MKI67: variants seen among roughly 807,000 people sequenced by gnomAD.
MKI67 encodes the protein proliferation marker protein Ki-67.
MKI67 carries 152 observed loss-of-function variants against 233.5 expected under a neutral mutation model. That is an observed-to-expected ratio of 0.65 (90% CI 0.57 to 0.74). MKI67 has a LOEUF of 0.74. Among genes scored for constraint, MKI67 ranks in the 30% least tolerant of loss-of-function variants. The probability of loss-of-function intolerance (pLI) is 0.00; values close to 1 mark genes in which losing one functional copy is unlikely to be tolerated. For missense variants in MKI67, 3,940 were observed against 3,885.2 expected, an observed-to-expected ratio of 1.01 and a Z score of -0.37; for synonymous variants, 1,465 against 1,418.5, an observed-to-expected ratio of 1.03 and a Z score of -0.74.
At chr10:128,113,702 C>G (rs763490587) in intron 7 of MKI67, 100 bp from the exon 8 acceptor site, 26 of 1,041,810 alleles carry the variant, frequency 2.5e-5, no homozygotes, top group Middle Eastern at 5.6e-4. Flanking sequence ...AGTGAAAAGT[C>G]ATCGAAACAC....
At position 128,103,922 on chromosome 10, in the gene MKI67, C is replaced by T; in HGVS notation, c.7918G>A (p.Asp2640Asn). 1 of 1,613,998 alleles carries T rather than the reference C, an allele frequency of 6.2e-7. No homozygotes were observed. Among genetic ancestry groups the T allele is most frequent in the Non-Finnish European group, 8.5e-7 (1 of 1,180,018 alleles). Residue 2640 changes from aspartate to asparagine, a missense_variant, in exon 13 of 15, where the codon GAT becomes AAT. By Grantham distance (23) the Asp-to-Asn change is conservative. Transcript: ENST00000368654. The stretch of plus-strand genomic sequence containing the variant: ...TGCTTCAATACTTTGATGCCCTCAT[C>T]ACCGCTTGCTGGTTCTTTGTGTGTG... ...THTHKEPASGDEGIKVLKQRA... is the reference protein window; with the variant it reads ...THTHKEPASGNEGIKVLKQRA...
At chr10:128,118,910 A>G (rs2136148693) in intron 5 of MKI67, among the ~76,000 whole-genome samples, 1 of 152,338 alleles carries the variant, frequency 6.6e-6, no homozygotes, top group African/African-American at 2.4e-5. Flanking sequence ...CTGGGCGACA[A>G]AATGAGCCAC....
Position 128,106,688 on chromosome 10 carries a change from G to A in MKI67, c.5152C>T (p.Gln1718Ter), listed in dbSNP as rs1305651508. 1 of 1,614,200 alleles carries A rather than the reference G, an allele frequency of 6.2e-7. No individual in the cohort carries two copies. ...EDLAGFIELF[Q>*]TPSHTKESMT... ...GATTCCTTAGTGTGACTTGGTGTCT[G>A]GAAGAGCTCGATGAAGCCGGCCAGG... The change falls in exon 13 of 15, where the codon CAG becomes TAG. Residue 1718 changes from glutamine (Q) to a stop codon, truncating the protein, a stop_gained. Transcript: ENST00000368654. LOFTEE classifies it high-confidence loss of function.
chr10:128,119,733 C>T (rs532636523), intron 4 of MKI67, among the ~76,000 whole-genome samples: 29 of 152,306 alleles, frequency 1.9e-4, no homozygotes, highest in Non-Finnish European at 2.1e-4. Context: ...ATCTTTCTCA[C>T]GTTGTGAAGT....
Position 128,098,590 on chromosome 10 carries a change from T to C in MKI67, c.*600A>G, listed in dbSNP as rs1280065543. 1 of 152,194 alleles carries C rather than the reference T, an allele frequency of 6.6e-6. No individual in the cohort carries two copies. The highest frequency in any genetic ancestry group is 1.5e-5 in the Non-Finnish European group (1 of 68,064). 9.4% of individuals were successfully genotyped at this position (152,194 alleles called of 1,614,324 possible). A position where few individuals can be genotyped will look rare whatever the true frequency, so the allele number is the denominator to read the frequency against. ...GAAAGTCACTCTTGGTCCCTAAAGA[T>C]GTGCTCACGAGTCATTCTCCAAAGC... On this transcript the variant is annotated 3_prime_UTR_variant, in exon 15 of 15. Transcript: ENST00000368654.
rs1021592940 is a variant in MKI67, at chr10:128,104,381, C to A, written c.7459G>T (p.Val2487Leu). 25 of 1,614,000 alleles carry A rather than the reference C, an allele frequency of 1.5e-5. 2 individuals carry two copies. In the Admixed American group the frequency reaches 3.8e-4, roughly 25 times the overall value. Reference protein sequence around the residue: ...SSKQRLKIPLVKVDMKEEPLA... With the variant: ...SSKQRLKIPLLKVDMKEEPLA... Reference sequence around the variant, plus strand: ...GGCTCTTCTTTCATGTCCACTTTCACCAGGGGTATCTTGAGCCTTTGCTTG... The same window carrying A: ...GGCTCTTCTTTCATGTCCACTTTCAACAGGGGTATCTTGAGCCTTTGCTTG... The change falls in exon 13 of 15, where the codon GTG (valine) becomes TTG (leucine). Residue 2487 changes from valine to leucine, a missense_variant. Val to Leu is a conservative substitution (Grantham distance 32). Transcript: ENST00000368654.
rs1208955024 is a variant in MKI67, at chr10:128,106,908, T to C, written c.4932A>G (p.Glu1644=). 2 of 1,614,156 alleles carry C rather than the reference T, an allele frequency of 1.2e-6. No individual in the cohort carries two copies. Among genetic ancestry groups the C allele is most frequent in the East Asian group, 4.5e-5 (2 of 44,880 alleles). The change falls in exon 13 of 15, where the codon GAA becomes GAG. Residue 1644 remains glutamate (E), a synonymous_variant. Coordinates refer to ENST00000368654, the MANE Select transcript of MKI67 (RefSeq NM_002417.5). ...TGAGCTTGCCAACTGCTAGGAGCTCTTCTTTCACGCCCACTTTCCCCAGGG... is the reference window on the plus strand; with the variant it reads ...TGAGCTTGCCAACTGCTAGGAGCTCCTCTTTCACGCCCACTTTCCCCAGGG... ...KTSLGKVGVK[E]ELLAVGKLTQ...
rs1484016473 is a variant in MKI67, at chr10:128,101,462, A to G, written c.9501T>C (p.Pro3167=). 1 of 1,614,020 alleles carries G rather than the reference A, an allele frequency of 6.2e-7. No individual in the cohort carries two copies. The highest frequency in any genetic ancestry group is 1.6e-4 in the Middle Eastern group (1 of 6,062). ...GCCCTCCGCTCTCCTCTGCCACCTT[A>G]GGCTGGGAGCTCTCATTCTGTCTAG... ...RSARQNESSQ[P]KVAEESGGQK... Residue 3167 remains proline, a synonymous_variant, in exon 14 of 15, where the codon CCT becomes CCC. Transcript: ENST00000368654.
chr10:128,118,227 C>A (rs1406938245), intron 5 of MKI67, among the ~76,000 whole-genome samples: 1 of 152,006 alleles, frequency 6.6e-6, no homozygotes, highest in Non-Finnish European at 1.5e-5. Context: ...GAAACCCTGT[C>A]TCTACTAAAA....
chr10:128,112,918 G>C (rs554866035), intron 8 of MKI67, among the ~76,000 whole-genome samples: 1 of 152,250 alleles, frequency 6.6e-6, no homozygotes, highest in Admixed American at 6.5e-5. Flanking sequence ...ACTTCCCAGA[G>C]GTGTGAAACC....
chr10:128,105,510 T>C lies in MKI67; in HGVS notation c.6330A>G (p.Ser2110=). Residue 2110 remains serine (S), a synonymous_variant, in exon 13 of 15, where the codon TCA becomes TCG. Coordinates refer to ENST00000368654, the MANE Select transcript of MKI67 (RefSeq NM_002417.5). The part of the protein sequence containing the change: ...KIACKSPPPE[S]MDTPTSTRRR... Reference sequence around the variant, plus strand: ...TCCTTGTGCTTGTTGGAGTGTCCATTGATTCTGGTGGTGGAGATTTGCAGG... The same window carrying C: ...TCCTTGTGCTTGTTGGAGTGTCCATCGATTCTGGTGGTGGAGATTTGCAGG... The C allele has an allele frequency of 3.1e-6, 5 of 1,614,102 alleles. No homozygotes were observed. The highest frequency in any genetic ancestry group is 4.2e-6 in the Non-Finnish European group (5 of 1,180,026).
Position 128,101,283 on chromosome 10 carries a change from T to G in MKI67, c.9680A>C (p.Lys3227Thr). ...KSVQRVTRSV[K>T]RCAENPKKAE... ...CTTCTTTGGATTTTCTGCACACCTC[T>G]TGACACTCCGCGTTACTCTCTGCAC... Residue 3227 changes from lysine to threonine, a missense_variant, in exon 14 of 15, where the codon AAG (lysine) becomes ACG (threonine). Transcript: ENST00000368654. 1 of 1,614,182 alleles carries G rather than the reference T, an allele frequency of 6.2e-7. No homozygotes were observed. The highest frequency in any genetic ancestry group is 8.5e-7 in the Non-Finnish European group (1 of 1,179,970).
chr10:128,114,078 C>T lies in MKI67; in HGVS notation c.1481-476G>A, dbSNP rs117654518. On this transcript the variant is annotated intron_variant, in intron 7 of 14. Transcript: ENST00000368654. ...CTGAGCCACCAGTTAATGTAAATCCCTTGCCTAAGTGATGCTTCCCCACTA... is the reference window on the plus strand; with the variant it reads ...CTGAGCCACCAGTTAATGTAAATCCTTTGCCTAAGTGATGCTTCCCCACTA... 4.6e-3 allele frequency among the ~76,000 whole-genome samples: 701 copies of T among 152,304 alleles called. 14 individuals carry two copies. Among genetic ancestry groups the T allele is most frequent in the Non-Finnish European group, 3.6e-3 (245 of 68,026 alleles).
At chr10:128,110,975 C>CA (rs1263903266) in intron 11 of MKI67, among the ~76,000 whole-genome samples, 4 of 152,192 alleles carry the variant, frequency 2.6e-5, no homozygotes, top group Non-Finnish European at 5.9e-5. Flanking sequence ...TAGAAAATGA[C>CA]AAAGAGCTGC....
At chr10:128,110,599 C>A in intron 11 of MKI67, 66 bp from the exon 12 acceptor site, 1 of 1,317,654 alleles carries the variant, frequency 7.6e-7, no homozygotes, top group South Asian at 1.6e-5. Context: ...CATCCCAGCC[C>A]TCACATGTAA....
Position 128,112,263 on chromosome 10 carries a change from A to G in MKI67, c.1839T>C (p.Val613=). ...CACTCTTTCTCCCTCCTCTCTTAGG[A>G]ACCTCTGTCTGAGATTTGCTGCTGG... The part of the protein sequence containing the change: ...PASSSKSQTE[V]PKRGGRKSGN... Residue 613 remains valine, a synonymous_variant, in exon 9 of 15, where the codon GTT becomes GTC. Coordinates refer to ENST00000368654, the MANE Select transcript of MKI67 (RefSeq NM_002417.5). 6.2e-7 allele frequency: 1 copy of G among 1,614,198 alleles called. No individual in the cohort carries two copies. The highest frequency in any genetic ancestry group is 1.1e-5 in the South Asian group (1 of 91,088).
rs754531743 is a variant in MKI67 at position 128,125,803 on chromosome 10, G to C, written c.-89-47C>G. The C allele has an allele frequency of 3.9e-6, 3 of 762,346 alleles. No homozygotes were observed. Among genetic ancestry groups the C allele is most frequent in the South Asian group, 1.5e-5 (1 of 68,176 alleles). The allele number at this position is 762,346 out of a possible 1,614,324, so 47.2% of individuals were successfully genotyped here. The stretch of plus-strand genomic sequence containing the variant: ...CTCTGATAGCAAAGGAGCTAAGAAG[G>C]GCCCCGTGCCCAATTCACCTATCCC... On this transcript the variant is annotated intron_variant, in intron 1 of 14. Transcript: ENST00000368654. This position sits in a 1 kb window ranked among gnomAD's most constrained non-coding sequence, Gnocchi z 5.3.
Position 128,107,019 on chromosome 10 carries a change from G to A in MKI67, c.4821C>T (p.Asn1607=), listed in dbSNP as rs777924360. The A allele has an allele frequency of 1.3e-4, 214 of 1,613,838 alleles. No individual in the cohort carries two copies. The highest frequency in any genetic ancestry group is 1.7e-4 in the Non-Finnish European group (204 of 1,179,958). ...TGCAGGCTACTTTGGCAGTTTTATC[G>A]TTAGTCATTGATTCCTCAGTGTGAC... is the stretch of plus-strand genomic sequence containing the variant. ...TRGHTEESMT[N]DKTAKVACKS... is the part of the protein sequence containing the mutation. Residue 1607 remains asparagine, a synonymous_variant, in exon 13 of 15, where the codon AAC becomes AAT. Transcript: ENST00000368654.
chr10:128,104,151 T>TAGAAGAGCTC lies in MKI67; in HGVS notation c.7688_7689insGAGCTCTTCT (p.Glu2564SerfsTer13). 6.2e-7 allele frequency: 1 copy of TAGAAGAGCTC among 1,614,144 alleles called. No individual in the cohort carries two copies. The highest frequency in any genetic ancestry group is 8.5e-7 in the Non-Finnish European group (1 of 1,180,026). On this transcript the variant is annotated frameshift_variant, in exon 13 of 15. Transcript: ENST00000368654. LOFTEE classifies it high-confidence loss of function. ...TGTGACCTGGTGCTGAGAAGAGCTCTTTGAAGTCAACCAGGTCTTCTAGAG... is the reference window on the plus strand; with the variant it reads ...TGTGACCTGGTGCTGAGAAGAGCTCTAGAAGAGCTCTTGAAGTCAACCAGGTCTTCTAGAG...
Sources: gnomAD v4.1 joint callset for allele counts (sites outside exome capture counted in the v4.1 genomes callset) on GRCh38, gnomAD v4.1.1 for gene constraint, Gnocchi (gnomAD v3.1) non-coding constraint, MANE v1.5 for transcripts, NCBI Gene and HGNC (gene_info 2026-07-23, HGNC 2026-07-21) for gene names.